The following SCHIP1 variants were observed in gnomAD, a reference collection of about 807,000 sequenced individuals.
SCHIP1 encodes schwannomin-interacting protein 1.
Under a neutral mutation model 29.7 loss-of-function variants are expected in SCHIP1, and 8 were observed. The ratio of observed to expected loss-of-function variants is 0.27; its 90% CI spans 0.16 to 0.49. The LOEUF is 0.49. Ranked by LOEUF, SCHIP1 falls within the 20% of genes least tolerant of loss-of-function variation. The probability of loss-of-function intolerance (pLI) is 0.99; values close to 1 mark genes in which losing one functional copy is unlikely to be tolerated. For missense variants in SCHIP1, 193 were observed against 294.6 expected (o/e 0.66, Z 2.52); for synonymous variants, 76 against 94.9 (o/e 0.80, Z 1.16).
the SCHIP1 span, among the ~76,000 whole-genome samples, chr3:159,652,336 T>C: frequency 6.6e-6 from 1 of 152,204 alleles, no homozygotes; most frequent in African/African-American, 2.4e-5. Context: ...TTTTTTAACA[T>C]ATTTAATGTA....
the SCHIP1 span, among the ~76,000 whole-genome samples, chr3:159,685,327 C>A: frequency 0.012 from 1,880 of 152,210 alleles, 15 homozygotes; most frequent in Non-Finnish European, 0.019. Flanking sequence ...TATGACAAAG[C>A]CATTTCATGT....
chr3:159,718,995 A>G, the SCHIP1 span, among the ~76,000 whole-genome samples: 7 of 152,330 alleles, frequency 4.6e-5, no homozygotes, highest in South Asian at 1.0e-3. Context: ...CTACAAGCCT[A>G]CAGTAACCAA....
At chr3:159,683,876 C>A in the SCHIP1 span, among the ~76,000 whole-genome samples, 2 of 152,130 alleles carry the variant, frequency 1.3e-5, no homozygotes, top group African/African-American at 2.4e-5. Flanking sequence ...TTTACTATGC[C>A]CCTTCCCTGT....
the SCHIP1 span, among the ~76,000 whole-genome samples, chr3:159,351,076 T>A: frequency 6.6e-6 from 1 of 152,318 alleles, no homozygotes; most frequent in African/African-American, 2.4e-5. Flanking sequence ...ATGTCAGCTC[T>A]TTAGAGACCC....
the SCHIP1 span, among the ~76,000 whole-genome samples, chr3:159,668,532 C>T: frequency 2.6e-5 from 4 of 152,014 alleles, no homozygotes; most frequent in Non-Finnish European, 4.4e-5. Context: ...ACCTGGAGGA[C>T]CAGGTGGATG....
chr3:159,394,331 G>T, the SCHIP1 span, among the ~76,000 whole-genome samples: 1 of 151,954 alleles, frequency 6.6e-6, no homozygotes. Flanking sequence ...AATTGCTCTG[G>T]CCAGAACTTC....
chr3:159,525,564 G>T, the SCHIP1 span, among the ~76,000 whole-genome samples: 2 of 152,320 alleles, frequency 1.3e-5, no homozygotes, highest in Middle Eastern at 3.4e-3. Flanking sequence ...GTGTGGGAAG[G>T]TTCTTGGTGC....
chr3:159,457,581 TATC>T, the SCHIP1 span, among the ~76,000 whole-genome samples: 6 of 152,112 alleles, frequency 3.9e-5, no homozygotes, highest in Non-Finnish European at 8.8e-5. Flanking sequence ...TGATTTAAAA[TATC>T]ATGTATTAGA....
the SCHIP1 span, among the ~76,000 whole-genome samples, chr3:159,472,540 T>C: frequency 1.3e-5 from 2 of 152,190 alleles, no homozygotes; most frequent in Non-Finnish European, 2.9e-5. Flanking sequence ...GCTGATGTAA[T>C]TATGTTAAGC....
intron 2 of SCHIP1, among the ~76,000 whole-genome samples, chr3:159,879,311 A>T: frequency 6.8e-6 from 1 of 147,472 alleles, no homozygotes; most frequent in African/African-American, 2.5e-5. Flanking sequence ...CCATTAATGA[A>T]TTTGTTTCCT....
chr3:159,581,225 C>T, the SCHIP1 span, among the ~76,000 whole-genome samples: 1 of 152,092 alleles, frequency 6.6e-6, no homozygotes, highest in Non-Finnish European at 1.5e-5. Context: ...GAAAATAAGG[C>T]AAAATGGCTA....
At chr3:159,886,291 T>C (rs773540205) in exon 3 of SCHIP1, 1 of 1,614,126 alleles carries the variant, frequency 6.2e-7, no homozygotes, top group Non-Finnish European at 8.5e-7. Flanking sequence ...ACAGTAAGAC[T>C]GAAACCAGCT....
the SCHIP1 span, among the ~76,000 whole-genome samples, chr3:159,464,202 G>A: frequency 1.2e-4 from 18 of 152,084 alleles, no homozygotes; most frequent in Non-Finnish European, 1.6e-4. Flanking sequence ...TTCTTTTGTG[G>A]CCTCGTTTCC....
At chr3:159,647,432 T>C in the SCHIP1 span, among the ~76,000 whole-genome samples, 1 of 152,072 alleles carries the variant, frequency 6.6e-6, no homozygotes, top group Non-Finnish European at 1.5e-5. Context: ...AAAACAAGGC[T>C]ACAGGGAAGG....
At chr3:159,481,926 T>C in the SCHIP1 span, among the ~76,000 whole-genome samples, 12 of 152,072 alleles carry the variant, frequency 7.9e-5, no homozygotes, top group African/African-American at 2.2e-4. Context: ...ATGGAGGTTG[T>C]GGGGTGATTA....
At chr3:159,833,628 A>G in the SCHIP1 span, among the ~76,000 whole-genome samples, 1 of 152,132 alleles carries the variant, frequency 6.6e-6, no homozygotes, top group African/African-American at 2.4e-5. Flanking sequence ...TTCTGTCTCT[A>G]CAATCTCTCC....
chr3:159,734,916 G>A, the SCHIP1 span, among the ~76,000 whole-genome samples: 1 of 149,876 alleles, frequency 6.7e-6, no homozygotes, highest in Non-Finnish European at 1.5e-5. Context: ...CATCCCCTGT[G>A]CCCATTCCCT....
chr3:159,442,471 C>G, the SCHIP1 span, among the ~76,000 whole-genome samples: 1 of 152,062 alleles, frequency 6.6e-6, no homozygotes, highest in East Asian at 1.9e-4. Flanking sequence ...TCCTTCCAGG[C>G]CTTAGGGAAT....
the SCHIP1 span, among the ~76,000 whole-genome samples, chr3:159,450,242 T>C: frequency 6.6e-6 from 1 of 152,210 alleles, no homozygotes; most frequent in Non-Finnish European, 1.5e-5. Flanking sequence ...AAGGGATTCA[T>C]TCCATAAATT....
Sources: allele counts gnomAD v4.1 joint callset (sites outside exome capture counted in the v4.1 genomes callset), GRCh38; gene constraint gnomAD v4.1.1; transcripts MANE v1.5; gene names NCBI Gene and HGNC (gene_info 2026-07-23, HGNC 2026-07-21).